Variants in CLASP1 observed in about 807,000 individuals in gnomAD.
CLASP1 encodes cytoplasmic linker associated protein 1.
Under a neutral mutation model 192.3 loss-of-function variants are expected in CLASP1, and 38 were observed. The ratio of observed to expected loss-of-function variants is 0.20; its 90% CI spans 0.15 to 0.26. The LOEUF is 0.26. Among genes scored for constraint, CLASP1 ranks in the 10% least tolerant of loss-of-function variants. CLASP1 has a pLI of 1.00. For missense variants in CLASP1, 1,433 were observed against 1,932.5 expected, an observed-to-expected ratio of 0.74 and a Z score of 4.85; for synonymous variants, 691 against 712.8, an observed-to-expected ratio of 0.97 and a Z score of 0.49.
intron 34 of CLASP1, among the ~76,000 whole-genome samples, chr2:121,369,574 T>C (rs556653796): frequency 2.6e-4 from 40 of 152,322 alleles, no homozygotes; most frequent in African/African-American, 8.7e-4. Context: ...TTCTAATCAC[T>C]GTTAACAACA....
exon 38 of CLASP1, chr2:121,348,569 C>T (rs2063772572): frequency 6.2e-7 from 1 of 1,613,578 alleles, no homozygotes; most frequent in Non-Finnish European, 8.5e-7. Flanking sequence ...CCTTTGCGAT[C>T]CTCTCGACGA....
At chr2:121,342,679 G>A (rs892188176) in intron 39 of CLASP1, among the ~76,000 whole-genome samples, 2 of 152,120 alleles carry the variant, frequency 1.3e-5, no homozygotes, top group African/African-American at 4.8e-5. Context: ...GCATGGTCAC[G>A]CCTATAATCT....
chr2:121,529,276 G>T (rs1395699196), intron 3 of CLASP1, among the ~76,000 whole-genome samples: 1 of 152,150 alleles, frequency 6.6e-6, no homozygotes, highest in Non-Finnish European at 1.5e-5. Context: ...CATACCCAGG[G>T]TGGACCCTCC....
Position 121,367,692 on chromosome 2 carries a change from G to A in CLASP1, c.3782C>T (p.Ala1261Val), listed in dbSNP as rs757376442. 3.4e-5 allele frequency: 55 copies of A among 1,613,876 alleles called. No individual in the cohort carries two copies. The South Asian group carries it at 4.7e-4, about 14-fold the overall frequency. ...GTAGGGGTACGGGTTGTAGTCTCGC[G>A]CCCGCGGCCCCGGGAAGGCGCGCGG... Residue 1261 changes from alanine (A) to valine (V), a missense_variant, in exon 35 of 40, where the codon GCG (alanine) becomes GTG (valine). Ala to Val is a moderately conservative substitution (Grantham distance 64, BLOSUM62 0). This residue lies in a region of CLASP1 where 336 missense variants were observed against 358.0 expected (regional missense o/e 0.94). Transcript: ENST00000263710.
intron 25 of CLASP1, among the ~76,000 whole-genome samples, chr2:121,405,918 T>G (rs2076847861): frequency 6.6e-6 from 1 of 152,158 alleles, no homozygotes; most frequent in South Asian, 2.1e-4. Context: ...CAGTGAGAGC[T>G]GAGCAACTCA....
intron 8 of CLASP1, among the ~76,000 whole-genome samples, chr2:121,490,687 G>A (rs1190304870): frequency 3.3e-5 from 5 of 152,158 alleles, no homozygotes; most frequent in Non-Finnish European, 7.3e-5. Context: ...CAGCTTATGC[G>A]ACTTATGCTG....
chr2:121,648,771 A>C lies in CLASP1; in HGVS notation c.-286+601T>G, dbSNP rs147975763. Among the ~76,000 whole-genome samples, 859 of 152,322 alleles carry C rather than the reference A, an allele frequency of 5.6e-3. 4 individuals carry two copies. Among genetic ancestry groups the C allele is most frequent in the African/African-American group, 0.016 (654 of 41,568 alleles). On this transcript the variant is annotated intron_variant, in intron 1 of 39. Coordinates refer to ENST00000263710, the Ensembl canonical transcript of CLASP1. Reference sequence around the variant, plus strand: ...TGTTCGCTTTCCCAGCTTCAGAAAGAAGCTCTTCGAAGGCCCCGGGAACCA... The same window carrying C: ...TGTTCGCTTTCCCAGCTTCAGAAAGCAGCTCTTCGAAGGCCCCGGGAACCA...
At chr2:121,471,836 G>A (rs1441782838) in intron 8 of CLASP1, among the ~76,000 whole-genome samples, 3 of 152,106 alleles carry the variant, frequency 2.0e-5, no homozygotes, top group Non-Finnish European at 2.9e-5. Context: ...GATGTACAGT[G>A]CTCTTAATTA....
intron 1 of CLASP1, among the ~76,000 whole-genome samples, chr2:121,624,910 C>T (rs1004839369): frequency 6.6e-6 from 1 of 152,132 alleles, no homozygotes; most frequent in African/African-American, 2.4e-5. Flanking sequence ...CTGTGGCTTT[C>T]TCTTTGAATC....
intron 22 of CLASP1, among the ~76,000 whole-genome samples, chr2:121,422,749 G>T (rs2079717419): frequency 1.3e-5 from 2 of 152,154 alleles, no homozygotes; most frequent in South Asian, 4.1e-4. Flanking sequence ...AATGAAAAAA[G>T]AAAATTTTGT....
chr2:121,440,059 T>C (rs1181785732), intron 19 of CLASP1, among the ~76,000 whole-genome samples: 1 of 144,834 alleles, frequency 6.9e-6, no homozygotes, highest in Non-Finnish European at 1.5e-5. Flanking sequence ...AATGTGCACA[T>C]GTACCCTAAA....
At chr2:121,379,413 G>A (rs1463431815) in intron 33 of CLASP1, among the ~76,000 whole-genome samples, 1 of 152,178 alleles carries the variant, frequency 6.6e-6, no homozygotes, top group Admixed American at 6.5e-5. Context: ...CTCCTTAGAT[G>A]TGAGAAAGGC....
chr2:121,350,609 T>C (rs767947819), intron 37 of CLASP1, among the ~76,000 whole-genome samples: 46 of 152,304 alleles, frequency 3.0e-4, no homozygotes, highest in Non-Finnish European at 5.4e-4. Flanking sequence ...CATGAGTCCA[T>C]GTGTCAGCTC....
intron 30 of CLASP1, among the ~76,000 whole-genome samples, chr2:121,388,769 C>T (rs1444460951): frequency 6.6e-6 from 1 of 152,076 alleles, no homozygotes; most frequent in Non-Finnish European, 1.5e-5. Context: ...TAATTAATTT[C>T]TAAGAGTCAA....
chr2:121,509,543 T>C (rs183613584), intron 7 of CLASP1, among the ~76,000 whole-genome samples: 13 of 152,156 alleles, frequency 8.5e-5, no homozygotes, highest in African/African-American at 2.9e-4. Context: ...AAAATAAGCC[T>C]CAATAAATTT....
chr2:121,480,257 A>G (rs1306597147), intron 8 of CLASP1, among the ~76,000 whole-genome samples: 2 of 152,232 alleles, frequency 1.3e-5, no homozygotes, highest in East Asian at 3.8e-4. Flanking sequence ...GAGGTAAATG[A>G]ACTGTGAGGA....
intron 32 of CLASP1, among the ~76,000 whole-genome samples, chr2:121,384,476 C>T (rs554392742): frequency 5.3e-5 from 8 of 152,068 alleles, no homozygotes; most frequent in African/African-American, 7.2e-5. Context: ...GCATCAGTCA[C>T]GGTGTCCAGC....
chr2:121,494,344 T>C lies in CLASP1; in HGVS notation c.712+8823A>G, dbSNP rs180869844. 3.9e-5 allele frequency among the ~76,000 whole-genome samples: 6 copies of C among 152,226 alleles called. No individual in the cohort carries two copies. The East Asian group carries it at 9.6e-4, about 24-fold the overall frequency. ...AAATTATGTTAAGAGAAGCTAGGCA[T>C]AGAAAGACAAACTTCATATGTTCTC... On this transcript the variant is annotated intron_variant, in intron 8 of 39. Transcript: ENST00000263710.
intron 32 of CLASP1, among the ~76,000 whole-genome samples, chr2:121,384,522 CATTTTAG>C (rs2072744908): frequency 1.3e-5 from 2 of 151,992 alleles, no homozygotes; most frequent in Admixed American, 6.5e-5. Flanking sequence ...TCAGATTTAT[CATTTTAG>C]AATAGTTTCT....
Sources: allele counts gnomAD v4.1 joint callset (sites outside exome capture counted in the v4.1 genomes callset), GRCh38; gene constraint gnomAD v4.1.1; regional missense constraint gnomAD v4.1.1; transcripts MANE v1.5; gene names NCBI Gene and HGNC (gene_info 2026-07-23, HGNC 2026-07-21).